The following PIEZO2 variants were observed in gnomAD, a reference collection of about 807,000 sequenced individuals.
PIEZO2 encodes the protein piezo-type mechanosensitive ion channel component 2.
PIEZO2 carries 172 observed loss-of-function variants against 337.3 expected under a neutral mutation model. The ratio of observed to expected loss-of-function variants is 0.51; its 90% CI spans 0.45 to 0.58. The LOEUF (loss-of-function observed/expected upper bound fraction) is 0.58. Ranked by LOEUF, PIEZO2 falls within the 20% of genes least tolerant of loss-of-function variation. PIEZO2 has a pLI of 0.00. For synonymous variants in PIEZO2, 1,251 were observed against 1,228.5 expected (o/e 1.02, Z -0.38); for missense variants, 3,028 against 3,391.3 (o/e 0.89, Z 2.66).
intron 54 of PIEZO2, among the ~76,000 whole-genome samples, chr18:10,674,766 T>C (rs1285406594): frequency 2.0e-5 from 3 of 152,228 alleles, no homozygotes; most frequent in Non-Finnish European, 4.4e-5. Context: ...CCAAGTTATA[T>C]TGCGAAAATT....
At position 11,009,466 on chromosome 18, in the gene PIEZO2, T is replaced by C. The variant is rs1375116945; in HGVS notation, c.161-29806A>G. Among the ~76,000 whole-genome samples, 1 of 152,200 alleles carries C rather than the reference T, an allele frequency of 6.6e-6. No homozygotes were observed. The highest frequency in any genetic ancestry group is 1.9e-4 in the East Asian group (1 of 5,178). ...TGCTGGAGATTCAGCTGAAGGGAGG[T>C]TGAGCCCAGCTCAGCTCATGGACTG... is the stretch of plus-strand genomic sequence containing the variant. On this transcript the variant is annotated intron_variant, in intron 2 of 55. Transcript: ENST00000674853. The surrounding 1 kb of genome is among the most constrained non-coding windows in gnomAD (Gnocchi z 4.6).
At position 10,953,920 on chromosome 18, in the gene PIEZO2, G is replaced by A. The variant is rs1274633410; in HGVS notation, c.286+25615C>T. The stretch of plus-strand genomic sequence containing the variant: ...CGATACTGCCTTGTTTTAATGATTT[G>A]CGGCTGGCAGGGAACTGAAGTCTGT... On this transcript the variant is annotated intron_variant, in intron 3 of 55. Coordinates refer to ENST00000674853, the MANE Select transcript of PIEZO2 (RefSeq NM_001378183.1). The surrounding 1 kb of genome is among the most constrained non-coding windows in gnomAD (Gnocchi z 5.2). 6.6e-6 allele frequency among the ~76,000 whole-genome samples: 1 copy of A among 152,142 alleles called. No homozygotes were observed.
At chr18:10,807,398 G>T in intron 7 of PIEZO2, 124 bp from the exon 8 acceptor site, 2 of 820,864 alleles carry the variant, frequency 2.4e-6, no homozygotes, top group Non-Finnish European at 3.7e-6. Flanking sequence ...TTCTATTGTA[G>T]ATATTTCAAT....
chr18:10,994,400 C>CTTT lies in PIEZO2; in HGVS notation c.161-14743_161-14741dup, dbSNP rs71169965. ...ATGGTAGTTCTACTTTTTGTTCTTTCTTTTTTTTTTTTTTTTTGATACTGA... is the reference window on the plus strand; with the variant it reads ...ATGGTAGTTCTACTTTTTGTTCTTTCTTTTTTTTTTTTTTTTTTTTGATACTGA... On this transcript the variant is annotated intron_variant, in intron 2 of 55. Coordinates refer to ENST00000674853, the MANE Select transcript of PIEZO2 (RefSeq NM_001378183.1). Among the ~76,000 whole-genome samples, 13 of 143,314 alleles carry CTTT rather than the reference C, an allele frequency of 9.1e-5. No homozygotes were observed. In the South Asian group the frequency reaches 2.0e-3, roughly 22 times the overall value. The allele number at this position is 143,314 out of a possible 152,430, so 94.0% of individuals were successfully genotyped here. A position where few individuals can be genotyped will look rare whatever the true frequency, so the allele number is the denominator to read the frequency against.
intron 14 of PIEZO2, among the ~76,000 whole-genome samples, chr18:10,790,281 T>C (rs1358373329): frequency 6.6e-6 from 1 of 152,214 alleles, no homozygotes; most frequent in Non-Finnish European, 1.5e-5. Flanking sequence ...TGGAGATATA[T>C]ATATGCCTGT....
rs190539881 is a variant in PIEZO2 at position 10,891,271 on chromosome 18, C to T, written c.330-19856G>A. Among the ~76,000 whole-genome samples the T allele has an allele frequency of 1.7e-3, 258 of 151,986 alleles. 2 individuals are homozygous for T. In the East Asian group the frequency reaches 0.039, roughly 23 times the overall value. On this transcript the variant is annotated intron_variant, in intron 4 of 55. Transcript: ENST00000674853. ...CCCGGGAGGCAGAGGTTGCAGTGAG[C>T]GAGATTGCGCTACTGCACTCCAGCC...
At chr18:10,832,187 G>A (rs527632556) in intron 7 of PIEZO2, among the ~76,000 whole-genome samples, 44 of 152,040 alleles carry the variant, frequency 2.9e-4, no homozygotes, top group African/African-American at 9.4e-4. Flanking sequence ...AATCAGCTAC[G>A]CCGAGATCAT....
intron 2 of PIEZO2, among the ~76,000 whole-genome samples, chr18:11,012,337 T>C (rs2035936318): frequency 6.6e-6 from 1 of 152,178 alleles, no homozygotes; most frequent in Non-Finnish European, 1.5e-5. Flanking sequence ...ACATTTAAAA[T>C]AAGAAACTGA....
Position 11,083,220 on chromosome 18 carries a change from A to G in PIEZO2, c.65-16998T>C, listed in dbSNP as rs2038810381. ...GAATATGCTGATTTTACAGATGAAG[A>G]CTATAGGGCCAAATGACTTAAATGT... On this transcript the variant is annotated intron_variant, in intron 1 of 55. Coordinates refer to ENST00000674853, the MANE Select transcript of PIEZO2 (RefSeq NM_001378183.1). The surrounding 1 kb of genome is among the most constrained non-coding windows in gnomAD (Gnocchi z 4.4). Among the ~76,000 whole-genome samples, 1 of 152,254 alleles carries G rather than the reference A, an allele frequency of 6.6e-6. No homozygotes were observed. Among genetic ancestry groups the G allele is most frequent in the Non-Finnish European group, 1.5e-5 (1 of 68,050 alleles).
rs1463712271 is a variant in PIEZO2 at position 10,828,074 on chromosome 18, T to C, written c.918-20800A>G. ...AAACTATTGCAACCCCAAGGCAAAC[T>C]TAGCATTCAATAAACCTAGACAAGC... is the stretch of plus-strand genomic sequence containing the variant. On this transcript the variant is annotated intron_variant, in intron 7 of 55. Transcript: ENST00000674853. This position sits in a 1 kb window ranked among gnomAD's most constrained non-coding sequence, Gnocchi z 4.1. 1.3e-5 allele frequency among the ~76,000 whole-genome samples: 2 copies of C among 152,018 alleles called. No homozygotes were observed. The highest frequency in any genetic ancestry group is 2.9e-5 in the Non-Finnish European group (2 of 67,996).
intron 7 of PIEZO2, among the ~76,000 whole-genome samples, chr18:10,827,701 A>T (rs927447723): frequency 6.6e-6 from 1 of 152,208 alleles, no homozygotes; most frequent in Non-Finnish European, 1.5e-5. Context: ...TCGTCTTTCA[A>T]TCATTTCAAC....
rs2041620204 is a variant in PIEZO2 at position 10,853,703 on chromosome 18, T to C, written c.917+1650A>G. On this transcript the variant is annotated intron_variant, in intron 7 of 55. Coordinates refer to ENST00000674853, the MANE Select transcript of PIEZO2 (RefSeq NM_001378183.1). This position sits in a 1 kb window ranked among gnomAD's most constrained non-coding sequence, Gnocchi z 4.2. ...AATAATTTGATTTGTCTTCTCTCTG[T>C]TAACTATTCCTATGTATGTATGTAT... Among the ~76,000 whole-genome samples the C allele has an allele frequency of 6.6e-6, 1 of 152,234 alleles. No homozygotes were observed. Among genetic ancestry groups the C allele is most frequent in the Non-Finnish European group, 1.5e-5 (1 of 68,040 alleles).
chr18:11,075,908 C>A (rs2038525149), intron 1 of PIEZO2, among the ~76,000 whole-genome samples: 1 of 151,568 alleles, frequency 6.6e-6, no homozygotes, highest in East Asian at 1.9e-4. Context: ...CCTGCCTCAG[C>A]CTCCCGAGTT....
chr18:10,687,969 T>C (rs923746188), intron 49 of PIEZO2, among the ~76,000 whole-genome samples: 2 of 152,198 alleles, frequency 1.3e-5, no homozygotes, highest in Non-Finnish European at 2.9e-5. Flanking sequence ...AAAATGATTG[T>C]TTATTTTATT....
Position 10,781,355 on chromosome 18 carries a change from A to G in PIEZO2, c.2493-989T>C, listed in dbSNP as rs2038975404. ...CATGGTGGCACATGCCTGTAGTCCC[A>G]GCTACTTGGGAGCCTGAGGCAGAAG... On this transcript the variant is annotated intron_variant, in intron 17 of 55. Coordinates refer to ENST00000674853, the MANE Select transcript of PIEZO2 (RefSeq NM_001378183.1). The surrounding 1 kb of genome is among the most constrained non-coding windows in gnomAD (Gnocchi z 4.1). 6.6e-6 allele frequency among the ~76,000 whole-genome samples: 1 copy of G among 152,084 alleles called. No homozygotes were observed. The highest frequency in any genetic ancestry group is 1.5e-5 in the Non-Finnish European group (1 of 68,020).
At position 10,882,834 on chromosome 18, in the gene PIEZO2, C is replaced by CTTTTTTT. The variant is rs745618117; in HGVS notation, c.330-11426_330-11420dup. On this transcript the variant is annotated intron_variant, in intron 4 of 55. Coordinates refer to ENST00000674853, the MANE Select transcript of PIEZO2 (RefSeq NM_001378183.1). ...CCATTGTGCATATGTACCACATTTT[C>CTTTTTTT]TTTTTTTCTTTTTTTTTTTTTTTGA... Among the ~76,000 whole-genome samples, 301 of 109,928 alleles carry CTTTTTTT rather than the reference C, an allele frequency of 2.7e-3. 19 individuals are homozygous for CTTTTTTT. The highest frequency in any genetic ancestry group is 3.6e-3 in the Admixed American group (30 of 8,436). The allele number at this position is 109,928 out of a possible 152,430, so 72.1% of individuals were successfully genotyped here.
chr18:10,898,701 C>T (rs895841758), intron 4 of PIEZO2, among the ~76,000 whole-genome samples: 1 of 151,982 alleles, frequency 6.6e-6, no homozygotes, highest in African/African-American at 2.4e-5. Context: ...AGGGGAAGGG[C>T]CATTACCTTC....
At chr18:10,741,223 G>C in intron 32 of PIEZO2, 121 bp from the exon 33 acceptor site, 1 of 792,084 alleles carries the variant, frequency 1.3e-6, no homozygotes, top group Non-Finnish European at 2.0e-6. Flanking sequence ...CAGAGGTCAG[G>C]TAAAGGAACT....
Position 11,128,553 on chromosome 18 carries a change from G to C in PIEZO2, c.64+19972C>G, listed in dbSNP as rs1025096635. Among the ~76,000 whole-genome samples, 6 of 152,096 alleles carry C rather than the reference G, an allele frequency of 3.9e-5. No homozygotes were observed. Among genetic ancestry groups the C allele is most frequent in the Non-Finnish European group, 7.4e-5 (5 of 68,020 alleles). ...GAACAGCTTCCCCATCCCCAGTAGCGGCAACATCCCTTCCCAAACCACGCT... is the reference window on the plus strand; with the variant it reads ...GAACAGCTTCCCCATCCCCAGTAGCCGCAACATCCCTTCCCAAACCACGCT... On this transcript the variant is annotated intron_variant, in intron 1 of 55. Coordinates refer to ENST00000674853, the MANE Select transcript of PIEZO2 (RefSeq NM_001378183.1). The surrounding 1 kb of genome is among the most constrained non-coding windows in gnomAD (Gnocchi z 4.1).
Sources: allele counts gnomAD v4.1 joint callset (sites outside exome capture counted in the v4.1 genomes callset), GRCh38; gene constraint gnomAD v4.1.1; non-coding constraint Gnocchi (gnomAD v3.1); transcripts MANE v1.5; gene names NCBI Gene and HGNC (gene_info 2026-07-23, HGNC 2026-07-21).